ANXA8: variants seen among roughly 807,000 people sequenced by gnomAD.
ANXA8 encodes the protein annexin A8.
A neutral mutation model predicts 26.8 loss-of-function variants in ANXA8; 9 were observed. That is an observed-to-expected ratio of 0.34 (90% CI 0.20 to 0.59). ANXA8 has a LOEUF of 0.59. Ranked by LOEUF, ANXA8 falls within the 20% of genes least tolerant of loss-of-function variation. The probability of loss-of-function intolerance (pLI) is 0.84; values close to 1 mark genes in which losing one functional copy is unlikely to be tolerated. For synonymous variants in ANXA8, 39 were observed against 94.8 expected (o/e 0.41, Z 3.42); for missense variants, 83 against 238.5 (o/e 0.35, Z 4.29).
At chr10:47,945,136 G>A in the ANXA8 span, among the ~76,000 whole-genome samples, 2 of 150,292 alleles carry the variant, frequency 1.3e-5, no homozygotes, top group African/African-American at 2.5e-5. Flanking sequence ...ACCCTCTTGT[G>A]GTTCAGAGAA....
At chr10:47,691,178 G>A in the ANXA8 span, 160 of 1,584,148 alleles carry the variant, frequency 1.0e-4, 3 homozygotes, top group African/African-American at 1.3e-3. Flanking sequence ...GTGGAGGACT[G>A]CAGCATTTTG....
chr10:47,686,839 C>G, the ANXA8 span, among the ~76,000 whole-genome samples: 1 of 151,358 alleles, frequency 6.6e-6, no homozygotes, highest in Non-Finnish European at 1.5e-5. Context: ...ATAGTGAAAA[C>G]TTTTATAACA....
chr10:47,640,568 T>C, the ANXA8 span, among the ~76,000 whole-genome samples: 1 of 91,058 alleles, frequency 1.1e-5, no homozygotes, highest in Non-Finnish European at 1.9e-5. Flanking sequence ...TGGTAGCTGA[T>C]TGGGGATAGA....
At chr10:47,958,157 G>A in the ANXA8 span, among the ~76,000 whole-genome samples, 3 of 150,112 alleles carry the variant, frequency 2.0e-5, no homozygotes, top group East Asian at 2.0e-4. Flanking sequence ...TCGCCTGCAT[G>A]GCCTCTGAAA....
chr10:47,976,345 CA>C, the ANXA8 span, among the ~76,000 whole-genome samples: 1 of 150,978 alleles, frequency 6.6e-6, no homozygotes, highest in Non-Finnish European at 1.5e-5. Context: ...GTAAGAATAG[CA>C]AATTTTGTGG....
At chr10:47,940,420 G>A in the ANXA8 span, among the ~76,000 whole-genome samples, 6 of 147,426 alleles carry the variant, frequency 4.1e-5, 1 homozygote, top group East Asian at 8.4e-4. Flanking sequence ...CCACGATGCA[G>A]CCAATCAAGA....
chr10:47,683,583 A>G, the ANXA8 span, among the ~76,000 whole-genome samples: 1 of 151,930 alleles, frequency 6.6e-6, no homozygotes, highest in Non-Finnish European at 1.5e-5. Flanking sequence ...ATGATAGCAA[A>G]TTGAATTTGG....
chr10:47,506,341 C>G, the ANXA8 span, among the ~76,000 whole-genome samples: 15 of 138,362 alleles, frequency 1.1e-4, 5 homozygotes, highest in East Asian at 4.4e-3. Flanking sequence ...TTCTTTTTCT[C>G]TTTTTTTGAG....
At chr10:47,595,996 A>T in the ANXA8 span, among the ~76,000 whole-genome samples, 6 of 147,858 alleles carry the variant, frequency 4.1e-5, 1 homozygote, top group Non-Finnish European at 5.9e-5. Context: ...ATACTCTAAG[A>T]GTGATCACAT....
At chr10:47,952,173 G>A in the ANXA8 span, among the ~76,000 whole-genome samples, 1 of 151,310 alleles carries the variant, frequency 6.6e-6, no homozygotes, top group Non-Finnish European at 1.5e-5. Flanking sequence ...TATCAAATTT[G>A]ATAGTGAAAG....
chr10:47,901,606 T>C, the ANXA8 span, among the ~76,000 whole-genome samples: 1 of 120,888 alleles, frequency 8.3e-6, no homozygotes, highest in African/African-American at 3.3e-5. Flanking sequence ...ATTTATTTCA[T>C]AACTTCCCCC....
the ANXA8 span, among the ~76,000 whole-genome samples, chr10:47,567,027 C>G: frequency 6.8e-6 from 1 of 146,758 alleles, no homozygotes; most frequent in Non-Finnish European, 1.5e-5. Context: ...AGGTCCGTCC[C>G]CCACCTAGCA....
the ANXA8 span, among the ~76,000 whole-genome samples, chr10:47,696,950 G>A: frequency 9.9e-5 from 15 of 151,528 alleles, no homozygotes; most frequent in East Asian, 1.9e-4. Flanking sequence ...TATTGGTCTC[G>A]TATTCAGACA....
chr10:47,898,541 A>AATTTT, the ANXA8 span, among the ~76,000 whole-genome samples: 5 of 15,300 alleles, frequency 3.3e-4, no homozygotes, highest in Non-Finnish European at 5.7e-4. Flanking sequence ...GGCATATTAT[A>AATTTT]ACTTTAGAAA....
chr10:47,566,119 T>A, the ANXA8 span: 1 of 429,498 alleles, frequency 2.3e-6, no homozygotes, highest in East Asian at 3.6e-5. Flanking sequence ...CTGCGATTTT[T>A]ATCCAGAAGT....
the ANXA8 span, among the ~76,000 whole-genome samples, chr10:47,648,041 G>A: frequency 6.6e-6 from 1 of 151,994 alleles, no homozygotes; most frequent in East Asian, 1.9e-4. Flanking sequence ...CTCTGAGGGA[G>A]AGATATGTTC....
the ANXA8 span, among the ~76,000 whole-genome samples, chr10:47,959,972 G>A: frequency 2.0e-5 from 3 of 149,946 alleles, no homozygotes; most frequent in African/African-American, 7.4e-5. Context: ...CCCTCACTCG[G>A]TTCCCAGCTG....
chr10:47,650,115 C>G, the ANXA8 span, among the ~76,000 whole-genome samples: 4 of 146,716 alleles, frequency 2.7e-5, no homozygotes, highest in East Asian at 4.1e-4. Context: ...GGCTGAGGCA[C>G]GAGAATCTCT....
At chr10:47,692,620 T>G in the ANXA8 span, 1 of 111,936 alleles carries the variant, frequency 8.9e-6, no homozygotes, top group Non-Finnish European at 1.9e-5. Context: ...GCAAGCTTAG[T>G]GCAAACACCT....
Sources: allele counts gnomAD v4.1 joint callset (sites outside exome capture counted in the v4.1 genomes callset), GRCh38; gene constraint gnomAD v4.1.1; transcripts MANE v1.5; gene names NCBI Gene and HGNC (gene_info 2026-07-23, HGNC 2026-07-21).